Variants in CAMK2D observed in about 807,000 individuals in gnomAD.
CAMK2D encodes calcium/calmodulin dependent protein kinase II delta.
CAMK2D carries 37 observed loss-of-function variants against 84.0 expected under a neutral mutation model. The ratio of observed to expected loss-of-function variants is 0.44; its 90% confidence interval spans 0.34 to 0.58. The LOEUF is 0.58. Among genes scored for constraint, CAMK2D ranks in the 20% least tolerant of loss-of-function variants. The pLI, the probability that CAMK2D is intolerant of heterozygous loss-of-function variation, is 0.02. For synonymous variants in CAMK2D, 202 were observed against 212.5 expected (o/e 0.95, Z 0.43); for missense variants, 448 against 652.5 (o/e 0.69, Z 3.41).
chr4:113,714,421 TA>T (rs923701418), intron 2 of CAMK2D, among the ~76,000 whole-genome samples: 2 of 152,084 alleles, frequency 1.3e-5, no homozygotes, highest in Non-Finnish European at 2.9e-5. Flanking sequence ...TTATTCCACA[TA>T]AATCAACTTA....
intron 15 of CAMK2D, 36 bp downstream of exon 15, chr4:113,502,900 T>G: frequency 6.9e-7 from 1 of 1,459,682 alleles, no homozygotes; most frequent in East Asian, 2.3e-5. Flanking sequence ...TGTATAGTCT[T>G]GTTAAAGCAA....
In CAMK2D at chr4:113,573,902, C is replaced by A. The variant is rs554174633; in HGVS notation, c.276-21806G>T. ...TCTTCACTGGCTTCTTCTCATCTGC[C>A]CATAAGTGAGAGTCTCTCATCAATA... On this transcript the variant is annotated intron_variant, in intron 4 of 20. Coordinates refer to ENST00000511664, the MANE Select transcript of CAMK2D (RefSeq NM_001321571.2). Among the ~76,000 whole-genome samples, 4 of 152,206 alleles carry A rather than the reference C, an allele frequency of 2.6e-5. No homozygotes were observed. The East Asian group carries it at 7.7e-4, about 29-fold the overall frequency.
intron 16 of CAMK2D, among the ~76,000 whole-genome samples, chr4:113,476,094 A>G (rs901848304): frequency 6.6e-6 from 1 of 152,234 alleles, no homozygotes; most frequent in African/African-American, 2.4e-5. Flanking sequence ...AAAAAATGAT[A>G]GAACCTCTTG....
chr4:113,719,538 T>C (rs1008667929), intron 2 of CAMK2D, among the ~76,000 whole-genome samples: 3 of 152,222 alleles, frequency 2.0e-5, no homozygotes, highest in African/African-American at 7.2e-5. Flanking sequence ...ACTAAATTTG[T>C]TGAAAATTTG....
At chr4:113,657,223 T>G (rs1012392864) in intron 3 of CAMK2D, among the ~76,000 whole-genome samples, 1 of 152,188 alleles carries the variant, frequency 6.6e-6, no homozygotes, top group African/African-American at 2.4e-5. Context: ...TGGCTCTGTT[T>G]GTTTTTGATA....
intron 3 of CAMK2D, among the ~76,000 whole-genome samples, chr4:113,643,104 A>G (rs1484932808): frequency 6.6e-6 from 1 of 152,212 alleles, no homozygotes; most frequent in Middle Eastern, 3.2e-3. Flanking sequence ...TAGAAATTAA[A>G]CAATCAAAAT....
intron 4 of CAMK2D, among the ~76,000 whole-genome samples, chr4:113,592,061 T>C (rs1226674340): frequency 1.3e-5 from 2 of 152,174 alleles, no homozygotes; most frequent in Non-Finnish European, 2.9e-5. Context: ...TGAATGAATG[T>C]ATTATAATAG....
In CAMK2D at chr4:113,566,494, C is replaced by T. The variant is rs149633734; in HGVS notation, c.276-14398G>A. 5.3e-3 allele frequency among the ~76,000 whole-genome samples: 810 copies of T among 152,278 alleles called. 11 individuals carry two copies. Among genetic ancestry groups the T allele is most frequent in the African/African-American group, 0.018 (759 of 41,546 alleles). On this transcript the variant is annotated intron_variant, in intron 4 of 20. Transcript: ENST00000511664. ...AAGAGAGAGCTTTGTATAATGAAAT[C>T]GGATTATTTCATATTTCCGATCTTT...
At chr4:113,624,076 T>G (rs2099057717) in intron 3 of CAMK2D, among the ~76,000 whole-genome samples, 1 of 152,164 alleles carries the variant, frequency 6.6e-6, no homozygotes, top group Non-Finnish European at 1.5e-5. Flanking sequence ...AAATGCCAGG[T>G]GCTCACAGTT....
intron 2 of CAMK2D, among the ~76,000 whole-genome samples, chr4:113,721,086 C>T (rs2099529265): frequency 6.6e-6 from 1 of 152,080 alleles, no homozygotes; most frequent in African/African-American, 2.4e-5. Context: ...CACTTTAACG[C>T]TACTTCTATA....
chr4:113,505,113 C>T, intron 13 of CAMK2D, 78 bp from the exon 14 acceptor site: 1 of 741,906 alleles, frequency 1.3e-6, no homozygotes, highest in Non-Finnish European at 2.2e-6. Context: ...AGCATGTCTA[C>T]ATAGAGATGT....
intron 4 of CAMK2D, among the ~76,000 whole-genome samples, chr4:113,598,725 G>C (rs1382306040): frequency 1.3e-5 from 2 of 152,164 alleles, no homozygotes; most frequent in Non-Finnish European, 2.9e-5. Flanking sequence ...CTGTCACCCA[G>C]GCTGGAGTAT....
rs72905960 is a variant in CAMK2D, at chr4:113,511,469, G to A, written c.947-1794C>T. The stretch of plus-strand genomic sequence containing the variant: ...TAATAAAGGCCCAATTTATGCCCAA[G>A]AGTGTATTTAACACTTCTTTAACAA... On this transcript the variant is annotated intron_variant, in intron 12 of 20. Coordinates refer to ENST00000511664, the MANE Select transcript of CAMK2D (RefSeq NM_001321571.2). Among the ~76,000 whole-genome samples the A allele has an allele frequency of 2.3e-3, 350 of 152,192 alleles. 2 individuals are homozygous for A. Among genetic ancestry groups the A allele is most frequent in the African/African-American group, 7.7e-3 (319 of 41,548 alleles).
chr4:113,753,612 A>G (rs1421639711), intron 2 of CAMK2D: 1 of 190,590 alleles, frequency 5.2e-6, no homozygotes, highest in Non-Finnish European at 9.7e-6. Flanking sequence ...AATTAGAGGA[A>G]TTTTGTCACT....
intron 2 of CAMK2D, among the ~76,000 whole-genome samples, chr4:113,720,934 T>G (rs879555313): frequency 6.6e-6 from 1 of 152,164 alleles, no homozygotes; most frequent in African/African-American, 2.4e-5. Flanking sequence ...CAAGTGAATA[T>G]TTTGTTTCTG....
chr4:113,744,038 TCA>T (rs1341649897), intron 2 of CAMK2D, among the ~76,000 whole-genome samples: 1 of 151,986 alleles, frequency 6.6e-6, no homozygotes, highest in Non-Finnish European at 1.5e-5. Context: ...GAAGGGGTTT[TCA>T]CAGTGTTAGC....
chr4:113,636,955 C>G lies in CAMK2D; in HGVS notation c.220+24758G>C, dbSNP rs531989230. Among the ~76,000 whole-genome samples, 5 of 152,288 alleles carry G rather than the reference C, an allele frequency of 3.3e-5. 1 individual carries two copies. The highest frequency in any genetic ancestry group is 1.2e-4 in the African/African-American group (5 of 41,568). ...TCCAGTCCCCTCACTCCACACCACA[C>G]TATGCTGCATGGCCTGCAAGCTGCT... On this transcript the variant is annotated intron_variant, in intron 3 of 20. Coordinates refer to ENST00000511664, the MANE Select transcript of CAMK2D (RefSeq NM_001321571.2).
At chr4:113,483,380 CAT>C (rs2097724942) in intron 16 of CAMK2D, among the ~76,000 whole-genome samples, 2 of 151,742 alleles carry the variant, frequency 1.3e-5, no homozygotes, top group African/African-American at 4.8e-5. Context: ...TGTTTGTTCA[CAT>C]ATGATAGCAG....
chr4:113,727,935 G>C (rs1422960330), intron 2 of CAMK2D, among the ~76,000 whole-genome samples: 1 of 152,078 alleles, frequency 6.6e-6, no homozygotes, highest in Admixed American at 6.6e-5. Context: ...TTTGTCTTTA[G>C]GGAAATGCAA....
Sources: gnomAD v4.1 joint callset for allele counts (sites outside exome capture counted in the v4.1 genomes callset) on GRCh38, gnomAD v4.1.1 for gene constraint, MANE v1.5 for transcripts, NCBI Gene and HGNC (gene_info 2026-07-23, HGNC 2026-07-21) for gene names.